Variants in UPB1 observed in about 807,000 individuals in gnomAD.
UPB1 encodes beta-ureidopropionase 1, also known as beta-ureidopropionase.
Under a neutral mutation model 49.1 loss-of-function variants are expected in UPB1, and 40 were observed. That is an observed-to-expected ratio of 0.81 (90% CI 0.63 to 1.06). UPB1 has a LOEUF of 1.06. UPB1 is among the 50% of genes least tolerant of loss of function. The probability of loss-of-function intolerance (pLI) is 0.00; values close to 1 mark genes in which losing one functional copy is unlikely to be tolerated. For missense variants in UPB1, 499 were observed against 505.9 expected (o/e 0.99, Z 0.13); for synonymous variants, 207 against 198.2 (o/e 1.04, Z -0.38).
In UPB1 at chr22:24,517,394, G is replaced by A. The variant is rs374447184; in HGVS notation, c.791+2024G>A. 9.2e-5 allele frequency among the ~76,000 whole-genome samples: 14 copies of A among 152,358 alleles called. No homozygotes were observed. The East Asian group carries it at 2.7e-3, about 29-fold the overall frequency. On this transcript the variant is annotated intron_variant, in intron 6 of 9. Transcript: ENST00000326010. The stretch of plus-strand genomic sequence containing the variant: ...TACCAGGCCTGGGCAGAACTTTGGG[G>A]CCACCCCCTAAAGCAGCCCCCTCTG...
Position 24,526,077 on chromosome 22 carries a change from A to G in UPB1, c.*283A>G. 2 of 438,728 alleles carry G rather than the reference A, an allele frequency of 4.6e-6. No individual in the cohort carries two copies. Among genetic ancestry groups the G allele is most frequent in the Non-Finnish European group, 8.4e-6 (2 of 237,330 alleles). 27.2% of individuals were successfully genotyped at this position (438,728 alleles called of 1,614,324 possible). ...TGTTTGTTATGTAAATTTTACCTCAACTAAAAAAAAAAATGCCCAGGTACT... is the reference window on the plus strand; with the variant it reads ...TGTTTGTTATGTAAATTTTACCTCAGCTAAAAAAAAAAATGCCCAGGTACT... On this transcript the variant is annotated 3_prime_UTR_variant, in exon 10 of 10. Coordinates refer to ENST00000326010, the MANE Select transcript of UPB1 (RefSeq NM_016327.3).
In UPB1 at chr22:24,502,128, C is replaced by T. The variant is rs764675102; in HGVS notation, c.279C>T (p.Val93=). 1.1e-5 allele frequency: 17 copies of T among 1,614,158 alleles called. No individual in the cohort carries two copies. The highest frequency in any genetic ancestry group is 1.3e-5 in the Non-Finnish European group (15 of 1,180,002). Residue 93 remains valine, a splice_region_variant and synonymous_variant, in exon 3 of 10, where the codon GTC becomes GTT. Transcript: ENST00000326010. ...TCTAATCCTTTTTAAATTCTCAGGT[C>T]TCTGCCCTTCATAGACGCATAAAGG... ...LPANAPVAEQ[V]SALHRRIKAI...
intron 6 of UPB1, among the ~76,000 whole-genome samples, chr22:24,519,537 G>A (rs767697280): frequency 9.2e-5 from 14 of 152,196 alleles, no homozygotes; most frequent in Non-Finnish European, 2.1e-4. Context: ...TGCAGGTGCT[G>A]AAGTGAGGAA....
chr22:24,522,065 G>A (rs1208702744), intron 8 of UPB1, 37 bp downstream of exon 8: 2 of 1,610,752 alleles, frequency 1.2e-6, no homozygotes, highest in East Asian at 2.2e-5. Context: ...CAGTTGAGGA[G>A]TGGGCCTTCC....
At chr22:24,509,384 A>AAAAAAAAAAAAAG in intron 3 of UPB1, among the ~76,000 whole-genome samples, 1 of 147,482 alleles carries the variant, frequency 6.8e-6, no homozygotes, top group East Asian at 2.0e-4. Context: ...AAAAAAAAAA[A>AAAAAAAAAAAAAG]AAAAAAAAAA....
At chr22:24,506,303 G>A (rs2044090257) in intron 3 of UPB1, among the ~76,000 whole-genome samples, 1 of 152,206 alleles carries the variant, frequency 6.6e-6, no homozygotes, top group African/African-American at 2.4e-5. Context: ...TTACAGGCAT[G>A]AGCCACTGCG....
At chr22:24,504,147 T>C (rs1407860366) in intron 3 of UPB1, among the ~76,000 whole-genome samples, 1 of 152,182 alleles carries the variant, frequency 6.6e-6, no homozygotes, top group Non-Finnish European at 1.5e-5. Flanking sequence ...CACATCCAGC[T>C]CCCTTCATTT....
At chr22:24,514,899 A>G (rs1197369639) in intron 5 of UPB1, among the ~76,000 whole-genome samples, 1 of 152,192 alleles carries the variant, frequency 6.6e-6, no homozygotes, top group Non-Finnish European at 1.5e-5. Context: ...GAGTTGGACC[A>G]TAATTGAAAC....
chr22:24,495,720 TC>T (rs1261763757), intron 1 of UPB1, among the ~76,000 whole-genome samples: 1 of 151,758 alleles, frequency 6.6e-6, no homozygotes, highest in Non-Finnish European at 1.5e-5. Flanking sequence ...AAATCTCTTC[TC>T]CCCCACGTTG....
chr22:24,515,327 G>T lies in UPB1; in HGVS notation c.748G>T (p.Ala250Ser), dbSNP rs1407429022. 2.5e-6 allele frequency: 4 copies of T among 1,614,156 alleles called. No individual in the cohort carries two copies. The highest frequency in any genetic ancestry group is 1.7e-5 in the Admixed American group (1 of 60,018). Residue 250 changes from alanine (A) to serine (S), a missense_variant, in exon 6 of 10, where the codon GCT becomes TCT. Transcript: ENST00000326010. ...CTGGCTTATGTACAGCATCAACGGGGCTGAGATCATCTTCAACCCCTCGGC... is the reference window on the plus strand; with the variant it reads ...CTGGCTTATGTACAGCATCAACGGGTCTGAGATCATCTTCAACCCCTCGGC... ...LNWLMYSING[A>S]EIIFNPSATI...
intron 2 of UPB1, 124 bp downstream of exon 2, chr22:24,500,402 C>T: frequency 1.5e-6 from 2 of 1,316,030 alleles, no homozygotes; most frequent in Non-Finnish European, 2.1e-6. Flanking sequence ...CAAGCAGTAG[C>T]AGAGGCGCTT....
At chr22:24,501,446 C>T (rs1171004978) in intron 2 of UPB1, among the ~76,000 whole-genome samples, 1 of 152,228 alleles carries the variant, frequency 6.6e-6, no homozygotes, top group Non-Finnish European at 1.5e-5. Context: ...GAGTGACAGA[C>T]AGCAGAGGAA....
At chr22:24,521,291 G>T (rs2044387335) in intron 7 of UPB1, among the ~76,000 whole-genome samples, 1 of 151,750 alleles carries the variant, frequency 6.6e-6, no homozygotes, top group African/African-American at 2.4e-5. Context: ...AGACCAGCCT[G>T]GCCAACATGG....
chr22:24,500,515 C>T (rs1320491144), intron 2 of UPB1, among the ~76,000 whole-genome samples: 1 of 152,266 alleles, frequency 6.6e-6, no homozygotes, highest in Non-Finnish European at 1.5e-5. Flanking sequence ...TTCCACTTCT[C>T]TCCAGCTATT....
In UPB1 at chr22:24,510,958, T is replaced by C. The variant is rs1220449132; in HGVS notation, c.459+115T>C. ...ATGGAAAATGCACCCATTTGGTGCT[T>C]GTTTTGCCAGATAAGATTAGATAAG... On this transcript the variant is annotated intron_variant, in intron 4 of 9. Coordinates refer to ENST00000326010, the MANE Select transcript of UPB1 (RefSeq NM_016327.3). 18 of 1,077,338 alleles carry C rather than the reference T, an allele frequency of 1.7e-5. No homozygotes were observed. In the Admixed American group the frequency reaches 3.2e-4, roughly 19 times the overall value. 66.7% of individuals were successfully genotyped at this position (1,077,338 alleles called of 1,614,324 possible).
rs1484900888 is a variant in UPB1 at position 24,527,677 on chromosome 22, C to T, written c.*1883C>T. Reference sequence around the variant, plus strand: ...AAACCTCCATGTCAGGGCTAGGGTACTCCTGGACAGCCACCAAGGATGAGA... The same window carrying T: ...AAACCTCCATGTCAGGGCTAGGGTATTCCTGGACAGCCACCAAGGATGAGA... On this transcript the variant is annotated 3_prime_UTR_variant, in exon 10 of 10. Transcript: ENST00000326010. 1 of 152,132 alleles carries T rather than the reference C, an allele frequency of 6.6e-6. No homozygotes were observed. Among genetic ancestry groups the T allele is most frequent in the Non-Finnish European group, 1.5e-5 (1 of 68,034 alleles). The allele number at this position is 152,132 out of a possible 1,614,324, so 9.4% of individuals were successfully genotyped here.
At chr22:24,497,895 C>T (rs1266559188) in intron 1 of UPB1, among the ~76,000 whole-genome samples, 2 of 152,200 alleles carry the variant, frequency 1.3e-5, no homozygotes, top group African/African-American at 4.8e-5. Context: ...TTGGGAACGT[C>T]CTAGTGAACA....
intron 2 of UPB1, among the ~76,000 whole-genome samples, chr22:24,500,888 A>T (rs2043983655): frequency 1.3e-5 from 2 of 152,112 alleles, no homozygotes; most frequent in Non-Finnish European, 2.9e-5. Flanking sequence ...ACTTTCAGGG[A>T]TTTTCCTGCA....
At chr22:24,507,206 G>T (rs117321936) in intron 3 of UPB1, among the ~76,000 whole-genome samples, 3 of 152,338 alleles carry the variant, frequency 2.0e-5, no homozygotes, top group Non-Finnish European at 4.4e-5. Flanking sequence ...TGAAAGCTGA[G>T]AATTAATGGT....
Sources: allele counts gnomAD v4.1 joint callset (sites outside exome capture counted in the v4.1 genomes callset), GRCh38; gene constraint gnomAD v4.1.1; transcripts MANE v1.5; gene names NCBI Gene and HGNC (gene_info 2026-07-23, HGNC 2026-07-21).